Variants in SNRNP40 observed in about 807,000 individuals in gnomAD.
The protein encoded by SNRNP40 is small nuclear ribonucleoprotein U5 subunit 40, also known as U5 small nuclear ribonucleoprotein 40 kDa protein.
Under a neutral mutation model 45.8 loss-of-function variants are expected in SNRNP40, and 21 were observed. That is an observed-to-expected ratio of 0.46 (90% CI 0.32 to 0.66). The LOEUF (loss-of-function observed/expected upper bound fraction) is 0.66, where lower values mean the gene tolerates loss of function less well. SNRNP40 is among the 30% of genes least tolerant of loss of function. The pLI is 0.03. For synonymous variants in SNRNP40, 142 were observed against 163.8 expected, an observed-to-expected ratio of 0.87 and a Z score of 1.01; for missense variants, 344 against 439.1, an observed-to-expected ratio of 0.78 and a Z score of 1.94.
rs1646163328 is a variant in SNRNP40, at chr1:31,296,641, C to T, written c.111G>A (p.Gln37=). 1.2e-6 allele frequency: 2 copies of T among 1,613,142 alleles called. No individual in the cohort carries two copies. The highest frequency in any genetic ancestry group is 1.7e-4 in the Middle Eastern group (1 of 6,058). The change falls in exon 1 of 10, where the codon CAG becomes CAA. Residue 37 remains glutamine, a synonymous_variant. Coordinates refer to ENST00000263694, the MANE Select transcript of SNRNP40 (RefSeq NM_004814.3). ...GAGSGPGAGQ[Q]QATPGALLQA... ...GCAGCAAGGCTCCCGGCGTCGCCTG[C>T]TGCTGCCCGGCTCCTGGGCCAGACC...
At chr1:31,282,465 GGCTATCTATCTATCTATGTA>G (rs1461742516) in intron 4 of SNRNP40, 2 of 134,576 alleles carry the variant, frequency 1.5e-5, no homozygotes. Context: ...ACATATTCCT[GGCTATCTATCTATCTATGTA>G]TCTATCTATC....
Position 31,296,664 on chromosome 1 carries a change from A to G in SNRNP40, c.88T>C (p.Ser30Pro). ...TGCTGCTGCCCGGCTCCTGGGCCAG[A>G]CCCCGCTCCCAACAGCAACTCATGC... ...QRHELLLGAG[S>P]GPGAGQQQAT... The change falls in exon 1 of 10, where the codon TCT (serine) becomes CCT (proline). Residue 30 changes from serine to proline, a missense_variant. This residue lies in a region of SNRNP40 where 90 missense variants were observed against 58.9 expected (regional missense o/e 1.53). Transcript: ENST00000263694. 1.2e-6 allele frequency: 2 copies of G among 1,613,800 alleles called. No homozygotes were observed. Among genetic ancestry groups the G allele is most frequent in the Non-Finnish European group, 1.7e-6 (2 of 1,179,894 alleles).
chr1:31,262,094 G>A (rs77973920), intron 8 of SNRNP40, among the ~76,000 whole-genome samples: 3,079 of 152,252 alleles, frequency 0.02, 106 homozygotes, highest in African/African-American at 0.07. Flanking sequence ...GACCTGAGAA[G>A]GGACAGGAAG....
intron 5 of SNRNP40, 81 bp downstream of exon 5, chr1:31,281,293 C>A: frequency 8.0e-7 from 1 of 1,254,628 alleles, no homozygotes; most frequent in Admixed American, 1.9e-5. Context: ...TGCAAAGCTA[C>A]CACAATCTCA....
At chr1:31,282,612 T>TA (rs1452132851) in intron 4 of SNRNP40, 1 of 148,038 alleles carries the variant, frequency 6.8e-6, no homozygotes, top group African/African-American at 2.5e-5. Context: ...TCTATCTATC[T>TA]ATCTTTCTAT....
intron 1 of SNRNP40, among the ~76,000 whole-genome samples, chr1:31,294,339 A>G (rs186935197): frequency 1.1e-3 from 164 of 152,348 alleles, no homozygotes; most frequent in African/African-American, 3.7e-3. Context: ...GGACACCAAG[A>G]TGACACTTGG....
At chr1:31,271,548 G>T in intron 5 of SNRNP40, 49 bp from the exon 6 acceptor site, 1 of 1,569,470 alleles carries the variant, frequency 6.4e-7, no homozygotes. Context: ...TAAAAGCAGA[G>T]AAAGAGAATG....
intron 1 of SNRNP40, among the ~76,000 whole-genome samples, chr1:31,296,394 G>A (rs1331482676): frequency 6.6e-6 from 1 of 152,180 alleles, no homozygotes; most frequent in Non-Finnish European, 1.5e-5. Flanking sequence ...GCTATCTCAG[G>A]GCAGTCGAGA....
At position 31,265,111 on chromosome 1, in the gene SNRNP40, C is replaced by T. The variant is rs75044934; in HGVS notation, c.920+2760G>A. Reference sequence around the variant, plus strand: ...AGAGGGATAGGCTTTCCTCATACCACGCTTTCACATGTGATTTTGTTTTTT... The same window carrying T: ...AGAGGGATAGGCTTTCCTCATACCATGCTTTCACATGTGATTTTGTTTTTT... On this transcript the variant is annotated intron_variant, in intron 8 of 9. Transcript: ENST00000263694. Among the ~76,000 whole-genome samples the T allele has an allele frequency of 6.4e-3, 924 of 143,938 alleles. 73 individuals are homozygous for T. In the East Asian group the frequency reaches 0.15, roughly 23 times the overall value. 94.4% of individuals were successfully genotyped at this position (143,938 alleles called of 152,430 possible).
chr1:31,287,943 G>C (rs1646072323), intron 4 of SNRNP40, among the ~76,000 whole-genome samples: 1 of 152,138 alleles, frequency 6.6e-6, no homozygotes, highest in African/African-American at 2.4e-5. Context: ...GTTGCAGTGA[G>C]CTGAGATTGC....
Position 31,289,368 on chromosome 1 carries a change from T to C in SNRNP40, c.417A>G (p.Glu139=), listed in dbSNP as rs188965900. Residue 139 remains glutamate, a synonymous_variant, in exon 4 of 10, where the codon GAA becomes GAG. Transcript: ENST00000263694. ...TDKTVAVWDS[E]TGERVKRLKG... The stretch of plus-strand genomic sequence containing the variant: ...TTAGCCTTTTAACCCTCTCACCTGT[T>C]TCACTATCCCACACAGCCACGGTTT... 4 of 1,614,136 alleles carry C rather than the reference T, an allele frequency of 2.5e-6. No individual in the cohort carries two copies. In the Admixed American group the frequency reaches 6.7e-5, roughly 27 times the overall value.
intron 3 of SNRNP40, among the ~76,000 whole-genome samples, chr1:31,291,424 G>A (rs759843995): frequency 2.0e-5 from 3 of 152,122 alleles, no homozygotes; most frequent in Non-Finnish European, 4.4e-5. Context: ...CAGGCATGGT[G>A]GTTAATTATT....
chr1:31,281,713 A>G (rs764469567), intron 4 of SNRNP40: 66 of 376,196 alleles, frequency 1.8e-4, no homozygotes, highest in Non-Finnish European at 2.8e-4. Flanking sequence ...AACTTCGGTT[A>G]TATTTTCAGA....
At chr1:31,281,558 A>C in intron 4 of SNRNP40, 62 bp from the exon 5 acceptor site, 1 of 1,474,196 alleles carries the variant, frequency 6.8e-7, no homozygotes, top group Non-Finnish European at 9.2e-7. Context: ...TGCACAGTAC[A>C]AATATCCCTT....
At position 31,259,733 on chromosome 1, in the gene SNRNP40, A is replaced by G. The variant is rs560482006; in HGVS notation, c.*339T>C. 7 of 487,144 alleles carry G rather than the reference A, an allele frequency of 1.4e-5. No homozygotes were observed. The highest frequency in any genetic ancestry group is 1.2e-4 in the African/African-American group (6 of 48,574). 30.2% of individuals were successfully genotyped at this position (487,144 alleles called of 1,614,324 possible). A position where few individuals can be genotyped will look rare whatever the true frequency, so the allele number is the denominator to read the frequency against. ...AAATGATATAGAGAAATACAGAAAGAAAATATCATACAAGCCAGTTACAAA... is the reference window on the plus strand; with the variant it reads ...AAATGATATAGAGAAATACAGAAAGGAAATATCATACAAGCCAGTTACAAA... On this transcript the variant is annotated 3_prime_UTR_variant, in exon 10 of 10. Transcript: ENST00000263694.
At chr1:31,274,501 G>T (rs915399398) in intron 5 of SNRNP40, among the ~76,000 whole-genome samples, 1 of 151,858 alleles carries the variant, frequency 6.6e-6, no homozygotes, top group African/African-American at 2.4e-5. Context: ...TCAGCCTCCC[G>T]AAGTGCTGGG....
At chr1:31,265,709 G>A (rs566222424) in intron 8 of SNRNP40, among the ~76,000 whole-genome samples, 143 of 152,108 alleles carry the variant, frequency 9.4e-4, no homozygotes, top group Non-Finnish European at 1.6e-3. Context: ...GCGTGGTAGC[G>A]GGCACCTGTA....
chr1:31,269,321 A>G (rs1645921279), intron 6 of SNRNP40, 81 bp from the exon 7 acceptor site: 2 of 1,584,576 alleles, frequency 1.3e-6, no homozygotes, highest in East Asian at 2.3e-5. Flanking sequence ...TGAAATTAGT[A>G]TCATGTCAAT....
chr1:31,269,835 T>C (rs746217792), intron 6 of SNRNP40, among the ~76,000 whole-genome samples: 12 of 152,288 alleles, frequency 7.9e-5, no homozygotes, highest in Non-Finnish European at 1.6e-4. Flanking sequence ...AGTGAGATTG[T>C]TTGTGTCTTG....
Sources: gnomAD v4.1 joint callset for allele counts (sites outside exome capture counted in the v4.1 genomes callset) on GRCh38, gnomAD v4.1.1 for gene constraint, gnomAD v4.1.1 regional missense constraint, MANE v1.5 for transcripts, NCBI Gene and HGNC (gene_info 2026-07-23, HGNC 2026-07-21) for gene names.